FYN: variants seen among roughly 807,000 people sequenced by gnomAD.
FYN encodes FYN proto-oncogene, Src family tyrosine kinase, also known as tyrosine-protein kinase Fyn.
FYN carries 10 observed loss-of-function variants against 70.2 expected under a neutral mutation model. The ratio of observed to expected loss-of-function variants is 0.14; its 90% confidence interval spans 0.09 to 0.24. The LOEUF (loss-of-function observed/expected upper bound fraction) is 0.24, where lower values mean the gene tolerates loss of function less well. Among genes scored for constraint, FYN ranks in the 10% least tolerant of loss-of-function variants. The pLI is 1.00. For missense variants in FYN, 319 were observed against 673.1 expected, an observed-to-expected ratio of 0.47 and a Z score of 5.82; for synonymous variants, 236 against 248.6, an observed-to-expected ratio of 0.95 and a Z score of 0.48.
At chr6:111,751,625 T>C (rs1802492341) in intron 3 of FYN, among the ~76,000 whole-genome samples, 1 of 97,764 alleles carries the variant, frequency 1.0e-5, no homozygotes, top group Non-Finnish European at 1.9e-5. Flanking sequence ...ATTCAAATTC[T>C]TTCTTTTTTT....
chr6:111,814,764 T>C (rs1441040793), intron 2 of FYN, among the ~76,000 whole-genome samples: 4 of 152,170 alleles, frequency 2.6e-5, no homozygotes, highest in Non-Finnish European at 4.4e-5. Context: ...GAGATGGCAA[T>C]AAAATAAAAA....
chr6:111,702,352 TA>T (rs1799878567), intron 8 of FYN: 1 of 152,210 alleles, frequency 6.6e-6, no homozygotes, highest in Non-Finnish European at 1.5e-5. Flanking sequence ...TTTAACACAA[TA>T]GACATAATAG....
intron 5 of FYN, chr6:111,708,801 G>C (rs137874012): frequency 6.6e-6 from 1 of 152,242 alleles, no homozygotes; most frequent in Non-Finnish European, 1.5e-5. Context: ...TACTGCCTTA[G>C]GCTCCATGCC....
At chr6:111,677,044 CT>C (rs1798558053) in intron 12 of FYN, among the ~76,000 whole-genome samples, 1 of 152,148 alleles carries the variant, frequency 6.6e-6, no homozygotes, top group East Asian at 1.9e-4. Flanking sequence ...TGTAAGGAAT[CT>C]TTGAAAGGAA....
chr6:111,726,862 T>C (rs1218580407), intron 3 of FYN, among the ~76,000 whole-genome samples: 2 of 152,084 alleles, frequency 1.3e-5, no homozygotes, highest in Non-Finnish European at 2.9e-5. Context: ...TCTCATGAGA[T>C]CTGATGGTTG....
At chr6:111,864,629 A>G (rs1774055126) in intron 1 of FYN, among the ~76,000 whole-genome samples, 1 of 152,120 alleles carries the variant, frequency 6.6e-6, no homozygotes, top group Non-Finnish European at 1.5e-5. Flanking sequence ...GGGCTTCTCA[A>G]GAGGCAGTAG....
chr6:111,685,999 C>T (rs578170915), intron 12 of FYN, among the ~76,000 whole-genome samples: 4 of 152,156 alleles, frequency 2.6e-5, no homozygotes, highest in Non-Finnish European at 5.9e-5. Flanking sequence ...GTCCCATCTC[C>T]GACCTGAAAC....
intron 3 of FYN, among the ~76,000 whole-genome samples, chr6:111,721,173 T>A (rs2128463024): frequency 6.6e-6 from 1 of 152,314 alleles, no homozygotes; most frequent in South Asian, 2.1e-4. Context: ...TGCCCTGCCC[T>A]TCCAGGCTGG....
intron 2 of FYN, among the ~76,000 whole-genome samples, chr6:111,834,087 G>C (rs189904590): frequency 1.4e-4 from 21 of 152,294 alleles, no homozygotes; most frequent in Non-Finnish European, 4.4e-5. Context: ...AATGGTAGAA[G>C]AAGACCATTT....
intron 2 of FYN, among the ~76,000 whole-genome samples, chr6:111,837,486 C>A (rs1773224434): frequency 6.6e-6 from 1 of 152,136 alleles, no homozygotes; most frequent in Admixed American, 6.5e-5. Context: ...CGGACAGGTG[C>A]CTTCCCTCTT....
chr6:111,678,934 ATTCACTACCC>A (rs1165366969), intron 12 of FYN, among the ~76,000 whole-genome samples: 1 of 152,126 alleles, frequency 6.6e-6, no homozygotes, highest in Admixed American at 6.5e-5. Flanking sequence ...ATGATCTTGA[ATTCACTACCC>A]TTCCTCTAGT....
intron 4 of FYN, among the ~76,000 whole-genome samples, chr6:111,715,477 G>A (rs538821504): frequency 2.0e-5 from 3 of 152,076 alleles, no homozygotes; most frequent in Admixed American, 6.5e-5. Context: ...TGGATCTAAC[G>A]ACTTGCTTCT....
intron 3 of FYN, among the ~76,000 whole-genome samples, chr6:111,772,993 A>G (rs1803510783): frequency 6.6e-6 from 1 of 151,642 alleles, no homozygotes; most frequent in South Asian, 2.1e-4. Flanking sequence ...TATATAAAAG[A>G]ATGTCCTTAT....
chr6:111,764,953 T>C (rs1345308218), intron 3 of FYN, among the ~76,000 whole-genome samples: 2 of 151,490 alleles, frequency 1.3e-5, no homozygotes, highest in Non-Finnish European at 2.9e-5. Context: ...AACCGCTGGG[T>C]GAGAAAATAT....
chr6:111,755,425 CAT>C (rs1240155847), intron 3 of FYN, among the ~76,000 whole-genome samples: 1 of 152,124 alleles, frequency 6.6e-6, no homozygotes, highest in Non-Finnish European at 1.5e-5. Flanking sequence ...CAAAGTGACA[CAT>C]ACAGTGAGAG....
chr6:111,774,578 C>G (rs1319307648), intron 3 of FYN, among the ~76,000 whole-genome samples: 1 of 151,984 alleles, frequency 6.6e-6, no homozygotes, highest in Non-Finnish European at 1.5e-5. Flanking sequence ...ATCCCCCCCA[C>G]ACACTCCCAA....
intron 1 of FYN, among the ~76,000 whole-genome samples, chr6:111,852,886 C>A (rs1773722328): frequency 6.6e-6 from 1 of 152,142 alleles, no homozygotes; most frequent in Admixed American, 6.5e-5. Context: ...TGTGTAAAAC[C>A]ATTTACTGTC....
intron 3 of FYN, among the ~76,000 whole-genome samples, chr6:111,738,897 G>A (rs1403528110): frequency 2.0e-5 from 3 of 152,072 alleles, no homozygotes; most frequent in East Asian, 3.9e-4. Flanking sequence ...GGGCGGGGAG[G>A]GGCTTTCTGC....
intron 2 of FYN, among the ~76,000 whole-genome samples, chr6:111,784,725 C>G (rs896535693): frequency 6.6e-6 from 1 of 152,132 alleles, no homozygotes; most frequent in Non-Finnish European, 1.5e-5. Flanking sequence ...AAAGGAAAAG[C>G]TTGAGGCTCT....
Sources: allele counts gnomAD v4.1 joint callset (sites outside exome capture counted in the v4.1 genomes callset), GRCh38; gene constraint gnomAD v4.1.1; transcripts MANE v1.5; gene names NCBI Gene and HGNC (gene_info 2026-07-23, HGNC 2026-07-21).